The following KIF6 variants were observed in gnomAD, a reference collection of about 807,000 sequenced individuals.
KIF6 encodes the protein kinesin family member 6, also known as kinesin-like protein KIF6.
In KIF6, 106 loss-of-function variants were observed where a neutral mutation model predicts 112.7. That is an observed-to-expected ratio of 0.94 (90% CI 0.80 to 1.11). The LOEUF is 1.11. Among genes scored for constraint, KIF6 ranks in the 50% least tolerant of loss-of-function variants. The pLI is 0.00. For synonymous variants in KIF6, 339 were observed against 339.9 expected, an observed-to-expected ratio of 1.00 and a Z score of 0.03; for missense variants, 929 against 964.0, an observed-to-expected ratio of 0.96 and a Z score of 0.48.
At chr6:39,646,869 G>A (rs1392375683) in intron 3 of KIF6, among the ~76,000 whole-genome samples, 2 of 152,168 alleles carry the variant, frequency 1.3e-5, no homozygotes. Flanking sequence ...TCCCGAGTAA[G>A]TGAAACTCAG....
intron 10 of KIF6, among the ~76,000 whole-genome samples, chr6:39,558,776 G>A (rs955325388): frequency 3.9e-5 from 6 of 152,126 alleles, no homozygotes; most frequent in African/African-American, 1.4e-4. Context: ...TCCAACAAAT[G>A]GAATTGCCAT....
intron 3 of KIF6, among the ~76,000 whole-genome samples, chr6:39,663,208 GT>G (rs1786266326): frequency 6.6e-6 from 1 of 152,144 alleles, no homozygotes; most frequent in Non-Finnish European, 1.5e-5. Flanking sequence ...AGAGCAACCA[GT>G]CACAGGAACA....
At chr6:39,722,156 A>C (rs1355539666) in intron 1 of KIF6, among the ~76,000 whole-genome samples, 1 of 152,144 alleles carries the variant, frequency 6.6e-6, no homozygotes, top group Admixed American at 6.5e-5. Context: ...TTAAAAAAAA[A>C]AGTTTTATAG....
At chr6:39,493,868 G>A (rs916925246) in intron 13 of KIF6, among the ~76,000 whole-genome samples, 1 of 152,198 alleles carries the variant, frequency 6.6e-6, no homozygotes, top group African/African-American at 2.4e-5. Context: ...TCAACTAGGA[G>A]CTCCTCCTGG....
intron 3 of KIF6, among the ~76,000 whole-genome samples, chr6:39,686,074 T>C (rs1017837207): frequency 6.6e-6 from 1 of 152,226 alleles, no homozygotes; most frequent in Non-Finnish European, 1.5e-5. Context: ...ATATATCTTC[T>C]TATTTGGATG....
At chr6:39,346,273 A>AAAG (rs1763797411) in intron 20 of KIF6, 1 of 685,568 alleles carries the variant, frequency 1.5e-6, no homozygotes, top group Non-Finnish European at 2.7e-6. Flanking sequence ...GTGTCCCTGA[A>AAAG]AAGTCATGTG....
At chr6:39,453,706 A>G (rs576925410) in intron 13 of KIF6, among the ~76,000 whole-genome samples, 4 of 152,394 alleles carry the variant, frequency 2.6e-5, no homozygotes, top group African/African-American at 9.6e-5. Flanking sequence ...TAAAGAATCA[A>G]TAAAAACCAC....
chr6:39,335,061 CTG>C lies in KIF6; in HGVS notation c.*1469_*1470del, dbSNP rs1470009114. 6.6e-6 allele frequency: 1 copy of C among 152,238 alleles called. No individual in the cohort carries two copies. Among genetic ancestry groups the C allele is most frequent in the African/African-American group, 2.4e-5 (1 of 41,452 alleles). The allele number at this position is 152,238 out of a possible 1,614,324, so 9.4% of individuals were successfully genotyped here. On this transcript the variant is annotated 3_prime_UTR_variant, in exon 23 of 23. Coordinates refer to ENST00000287152, the MANE Select transcript of KIF6 (RefSeq NM_145027.6). ...AAGGACCGTTTACTGAACAGCGACT[CTG>C]TGCTTGGGACACAGCAATGAGCAAG...
intron 10 of KIF6, among the ~76,000 whole-genome samples, chr6:39,575,261 G>A (rs1260958117): frequency 2.7e-5 from 4 of 150,310 alleles, no homozygotes; most frequent in East Asian, 1.9e-4. Context: ...GTGCTTGAGC[G>A]TCTTCTTATT....
intron 16 of KIF6, among the ~76,000 whole-genome samples, chr6:39,370,425 G>C (rs531381096): frequency 2.6e-5 from 4 of 152,100 alleles, no homozygotes; most frequent in Non-Finnish European, 5.9e-5. Flanking sequence ...ATTGAGTTGT[G>C]GATCCTTCAT....
At chr6:39,618,458 A>T (rs1036295772) in intron 5 of KIF6, among the ~76,000 whole-genome samples, 4 of 152,170 alleles carry the variant, frequency 2.6e-5, no homozygotes, top group Non-Finnish European at 5.9e-5. Flanking sequence ...ATAGGAAAGA[A>T]GGTTGGACAC....
At chr6:39,461,791 A>G (rs1378598490) in intron 13 of KIF6, among the ~76,000 whole-genome samples, 1 of 152,190 alleles carries the variant, frequency 6.6e-6, no homozygotes, top group Non-Finnish European at 1.5e-5. Flanking sequence ...TTATTTTTTA[A>G]TATTTGTATC....
intron 22 of KIF6, among the ~76,000 whole-genome samples, chr6:39,340,864 G>T (rs572248250): frequency 6.6e-6 from 1 of 152,178 alleles, no homozygotes; most frequent in East Asian, 1.9e-4. Context: ...GGCTTCTTGA[G>T]GGGAGGAATG....
intron 10 of KIF6, among the ~76,000 whole-genome samples, chr6:39,550,299 A>G (rs766977813): frequency 1.1e-4 from 17 of 152,172 alleles, no homozygotes; most frequent in Non-Finnish European, 4.4e-5. Context: ...TTGGGAGAAC[A>G]GAAGAGTGGG....
At chr6:39,610,390 A>G (rs369794667) in intron 6 of KIF6, among the ~76,000 whole-genome samples, 3 of 152,242 alleles carry the variant, frequency 2.0e-5, no homozygotes, top group South Asian at 2.1e-4. Context: ...CATGAAAGGA[A>G]AGAGCACTCC....
intron 13 of KIF6, among the ~76,000 whole-genome samples, chr6:39,487,608 G>A (rs929764807): frequency 2.0e-5 from 3 of 152,090 alleles, no homozygotes; most frequent in Admixed American, 1.3e-4. Context: ...TGTTCCAGAC[G>A]AGGTAAGAAA....
At chr6:39,458,098 T>G (rs1431163307) in intron 13 of KIF6, among the ~76,000 whole-genome samples, 1 of 151,576 alleles carries the variant, frequency 6.6e-6, no homozygotes, top group Non-Finnish European at 1.5e-5. Flanking sequence ...ATATCCTTGA[T>G]GAACATTGAT....
chr6:39,379,832 A>G lies in KIF6; in HGVS notation c.1861+5790T>C, dbSNP rs528781048. On this transcript the variant is annotated intron_variant, in intron 16 of 22. Coordinates refer to ENST00000287152, the MANE Select transcript of KIF6 (RefSeq NM_145027.6). The stretch of plus-strand genomic sequence containing the variant: ...GGCAGTGCAGCGTGATGGCTGGAAC[A>G]CTGCTGTGGACCCAGGCTACTGGCC... 7.2e-5 allele frequency among the ~76,000 whole-genome samples: 11 copies of G among 152,372 alleles called. No homozygotes were observed. The East Asian group carries it at 7.7e-4, about 11-fold the overall frequency.
Position 39,705,462 on chromosome 6 carries a change from T to G in KIF6, c.251+9230A>C, listed in dbSNP as rs140793595. Among the ~76,000 whole-genome samples, 19 of 152,360 alleles carry G rather than the reference T, an allele frequency of 1.2e-4. No individual in the cohort carries two copies. In the East Asian group the frequency reaches 3.7e-3, roughly 29 times the overall value. On this transcript the variant is annotated intron_variant, in intron 3 of 22. Coordinates refer to ENST00000287152, the MANE Select transcript of KIF6 (RefSeq NM_145027.6). ...GAAATAAAGCCCATCACTGTGCATT[T>G]AAGCAATAAAGGGAAGGCTGACAGG...
Sources: allele counts gnomAD v4.1 joint callset (sites outside exome capture counted in the v4.1 genomes callset), GRCh38; gene constraint gnomAD v4.1.1; transcripts MANE v1.5; gene names NCBI Gene and HGNC (gene_info 2026-07-23, HGNC 2026-07-21).